Variants in PPIG observed in about 807,000 individuals in gnomAD.
PPIG encodes the protein peptidyl-prolyl cis-trans isomerase G.
A neutral mutation model predicts 87.9 loss-of-function variants in PPIG; 26 were observed. The observed-to-expected ratio is 0.30, with a 90% CI of 0.22 to 0.41. The LOEUF (loss-of-function observed/expected upper bound fraction) is 0.41. Ranked by LOEUF, PPIG falls within the 10% of genes least tolerant of loss-of-function variation. The pLI, the probability that PPIG is intolerant of heterozygous loss-of-function variation, is 1.00. For synonymous variants in PPIG, 308 were observed against 276.5 expected (o/e 1.11, Z -1.13); for missense variants, 722 against 879.4 (o/e 0.82, Z 2.26).
At chr2:169,603,234 T>C (rs1428879152) in intron 1 of PPIG, among the ~76,000 whole-genome samples, 1 of 152,220 alleles carries the variant, frequency 6.6e-6, no homozygotes, top group Admixed American at 6.5e-5. Context: ...TTGTTTCTTC[T>C]ACGGGTAAGT....
At chr2:169,585,654 T>G (rs1684680875) in intron 1 of PPIG, among the ~76,000 whole-genome samples, 1 of 152,198 alleles carries the variant, frequency 6.6e-6, no homozygotes, top group Admixed American at 6.5e-5. Flanking sequence ...ATTTTGTGCA[T>G]TGATTTTAAT....
chr2:169,627,923 TTA>T (rs1304176376), intron 9 of PPIG, among the ~76,000 whole-genome samples: 3 of 152,146 alleles, frequency 2.0e-5, no homozygotes, highest in Non-Finnish European at 2.9e-5. Flanking sequence ...TTGCACAATT[TTA>T]TGTTTTTATT....
chr2:169,610,397 C>T (rs1454461888), intron 7 of PPIG, among the ~76,000 whole-genome samples: 1 of 151,924 alleles, frequency 6.6e-6, no homozygotes, highest in Non-Finnish European at 1.5e-5. Context: ...TTTGGTTTGG[C>T]TTTGTGATTC....
At chr2:169,615,900 C>T (rs977657074) in intron 9 of PPIG, among the ~76,000 whole-genome samples, 8 of 151,888 alleles carry the variant, frequency 5.3e-5, no homozygotes, top group African/African-American at 1.5e-4. Flanking sequence ...CAGAACATGC[C>T]GGTTTATTAC....
intron 7 of PPIG, among the ~76,000 whole-genome samples, chr2:169,612,269 G>A (rs975704701): frequency 3.3e-5 from 5 of 151,818 alleles, no homozygotes; most frequent in Non-Finnish European, 2.9e-5. Context: ...TGCCTGTTCC[G>A]CATATTTTAT....
chr2:169,599,039 C>T (rs556047025), intron 1 of PPIG, among the ~76,000 whole-genome samples: 2 of 151,832 alleles, frequency 1.3e-5, no homozygotes, highest in African/African-American at 2.4e-5. Context: ...TCTTATTTTG[C>T]GAATGTGTAA....
chr2:169,590,472 C>T (rs1480920336), intron 1 of PPIG, among the ~76,000 whole-genome samples: 1 of 152,064 alleles, frequency 6.6e-6, no homozygotes, highest in Non-Finnish European at 1.5e-5. Flanking sequence ...AACCCCATCT[C>T]TACTAAAAAA....
chr2:169,597,818 T>G (rs1685061542), intron 1 of PPIG, among the ~76,000 whole-genome samples: 1 of 152,072 alleles, frequency 6.6e-6, no homozygotes, highest in Non-Finnish European at 1.5e-5. Flanking sequence ...TTTAAAAATA[T>G]ACAAAGACAG....
chr2:169,602,484 T>G (rs1375837067), intron 1 of PPIG, among the ~76,000 whole-genome samples: 1 of 151,934 alleles, frequency 6.6e-6, no homozygotes, highest in Non-Finnish European at 1.5e-5. Context: ...GCCGGCTAAT[T>G]TTTGCATTTT....
intron 12 of PPIG, 110 bp from the exon 13 acceptor site, chr2:169,635,982 C>G: frequency 3.5e-6 from 2 of 574,534 alleles, no homozygotes; most frequent in South Asian, 1.1e-4. Context: ...TTATTTTGTA[C>G]CCCTTACTAC....
At chr2:169,633,622 C>T (rs1437522215) in intron 12 of PPIG, 2 of 254,964 alleles carry the variant, frequency 7.8e-6, no homozygotes, top group Non-Finnish European at 1.5e-5. Context: ...ATATCTTGTG[C>T]TTTCAAAACT....
Position 169,630,638 on chromosome 2 carries a change from G to C in PPIG, c.548-136G>C, listed in dbSNP as rs1190793956. The C allele has an allele frequency of 1.8e-5, 13 of 715,018 alleles. No individual in the cohort carries two copies. The Middle Eastern group carries it at 1.5e-3, about 81-fold the overall frequency. The allele number at this position is 715,018 out of a possible 1,614,324, so 44.3% of individuals were successfully genotyped here. A position where few individuals can be genotyped will look rare whatever the true frequency, so the allele number is the denominator to read the frequency against. On this transcript the variant is annotated intron_variant, in intron 9 of 13. Coordinates refer to ENST00000260970, the MANE Select transcript of PPIG (RefSeq NM_004792.3). ...AATCCTGAGTCTTGACTCCTTTCCT[G>C]TACTTCCCAGTTCACATAGCTGGAT...
At chr2:169,588,110 A>G (rs1684756955) in intron 1 of PPIG, among the ~76,000 whole-genome samples, 1 of 151,810 alleles carries the variant, frequency 6.6e-6, no homozygotes, top group African/African-American at 2.4e-5. Flanking sequence ...GGTTGCAGTG[A>G]TCCGAGATCA....
intron 12 of PPIG, 118 bp downstream of exon 12, chr2:169,633,365 C>T: frequency 1.3e-6 from 1 of 772,192 alleles, no homozygotes; most frequent in South Asian, 1.6e-5. Flanking sequence ...AGGGGAGATG[C>T]AGGCATTGAA....
At chr2:169,606,591 CAAAA>C (rs71006009) in intron 5 of PPIG, among the ~76,000 whole-genome samples, 20 of 85,026 alleles carry the variant, frequency 2.4e-4, no homozygotes, top group African/African-American at 8.2e-4. Context: ...GACTCTGTCT[CAAAA>C]AAAAAAAAAA....
chr2:169,594,322 G>T (rs1480160023), intron 1 of PPIG, among the ~76,000 whole-genome samples: 1 of 40,554 alleles, frequency 2.5e-5, no homozygotes, highest in South Asian at 9.4e-4. Context: ...GCTGTTGATA[G>T]GCAAAAAAAA....
chr2:169,613,552 A>C (rs1361359784), intron 7 of PPIG, among the ~76,000 whole-genome samples: 1 of 152,160 alleles, frequency 6.6e-6, no homozygotes, highest in African/African-American at 2.4e-5. Flanking sequence ...GGATTTTTTA[A>C]AAATAATTTC....
chr2:169,593,886 AC>A (rs1684941566), intron 1 of PPIG, among the ~76,000 whole-genome samples: 1 of 149,536 alleles, frequency 6.7e-6, no homozygotes, highest in South Asian at 2.1e-4. Context: ...CGATCTCCTG[AC>A]CTTGTGATCT....
At chr2:169,600,195 G>A (rs562522260) in intron 1 of PPIG, among the ~76,000 whole-genome samples, 6 of 151,584 alleles carry the variant, frequency 4.0e-5, no homozygotes, top group South Asian at 2.1e-4. Flanking sequence ...CCACCTCAGC[G>A]TCTCCAGTAG....
Sources: allele counts gnomAD v4.1 joint callset (sites outside exome capture counted in the v4.1 genomes callset), GRCh38; gene constraint gnomAD v4.1.1; transcripts MANE v1.5; gene names NCBI Gene and HGNC (gene_info 2026-07-23, HGNC 2026-07-21).